BAIAP2: variants seen among roughly 807,000 people sequenced by gnomAD.
The protein encoded by BAIAP2 is BAR/IMD domain containing adaptor protein 2, also known as BAR/IMD domain-containing adapter protein 2.
BAIAP2 carries 18 observed loss-of-function variants against 63.0 expected under a neutral mutation model. The ratio of observed to expected loss-of-function variants is 0.29; its 90% confidence interval spans 0.20 to 0.42. BAIAP2 has a LOEUF of 0.42. Ranked by LOEUF, BAIAP2 falls within the 10% of genes least tolerant of loss-of-function variation. The pLI, the probability that BAIAP2 is intolerant of heterozygous loss-of-function variation, is 1.00. For missense variants in BAIAP2, 610 were observed against 734.3 expected (o/e 0.83, Z 1.96); for synonymous variants, 386 against 307.6 (o/e 1.25, Z -2.67).
chr17:81,103,394 A>C, intron 7 of BAIAP2, 108 bp from the exon 8 acceptor site: 4 of 1,062,516 alleles, frequency 3.8e-6, no homozygotes, highest in Non-Finnish European at 5.4e-6. Context: ...CCTGGTGAAG[A>C]GCAGCCTCCA....
At chr17:81,081,969 G>A (rs912108684) in intron 3 of BAIAP2, among the ~76,000 whole-genome samples, 2 of 152,138 alleles carry the variant, frequency 1.3e-5, no homozygotes, top group Non-Finnish European at 2.9e-5. Context: ...GCTGGCATCC[G>A]TGGAGGTACT....
chr17:81,108,435 C>T, intron 12 of BAIAP2, 40 bp from the exon 13 acceptor site: 4 of 1,611,336 alleles, frequency 2.5e-6, no homozygotes, highest in Non-Finnish European at 3.4e-6. Context: ...GACCACAGGC[C>T]CCGTCACCCG....
intron 1 of BAIAP2, among the ~76,000 whole-genome samples, chr17:81,039,033 T>C (rs2046714059): frequency 6.6e-6 from 1 of 152,262 alleles, no homozygotes; most frequent in Non-Finnish European, 1.5e-5. Flanking sequence ...TAAGGATACT[T>C]CCTGGGGTGG....
At chr17:81,106,358 GGGACACCA>G (rs1302032592) in intron 11 of BAIAP2, among the ~76,000 whole-genome samples, 3 of 152,328 alleles carry the variant, frequency 2.0e-5, no homozygotes, top group African/African-American at 7.2e-5. Context: ...GAGAGCCCTG[GGGACACCA>G]GAGCAGGCAG....
At chr17:81,070,506 A>AT (rs1475128232) in intron 3 of BAIAP2, among the ~76,000 whole-genome samples, 1 of 152,092 alleles carries the variant, frequency 6.6e-6, no homozygotes, top group Non-Finnish European at 1.5e-5. Context: ...AAGAGGCAAA[A>AT]GGTGCTTTGG....
intron 7 of BAIAP2, 106 bp from the exon 8 acceptor site, chr17:81,103,396 C>G: frequency 9.3e-7 from 1 of 1,078,730 alleles, no homozygotes; most frequent in East Asian, 2.6e-5. Flanking sequence ...TGGTGAAGAG[C>G]AGCCTCCAGC....
At chr17:81,068,838 C>T (rs988213466) in intron 3 of BAIAP2, among the ~76,000 whole-genome samples, 10 of 152,172 alleles carry the variant, frequency 6.6e-5, no homozygotes, top group African/African-American at 2.4e-4. Flanking sequence ...GCCTTGCGTT[C>T]CTGGCTGTGG....
At position 81,116,307 on chromosome 17, in the gene BAIAP2, C is replaced by T; in HGVS notation, c.*468C>T. 1 of 1,612,822 alleles carries T rather than the reference C, an allele frequency of 6.2e-7. No homozygotes were observed. The highest frequency in any genetic ancestry group is 8.5e-7 in the Non-Finnish European group (1 of 1,179,912). Reference sequence around the variant, plus strand: ...GCCCGCACCCTGGCTGGAAGATGAACTTCCCGTAAGCACGTAATTCCCTGC... The same window carrying T: ...GCCCGCACCCTGGCTGGAAGATGAATTTCCCGTAAGCACGTAATTCCCTGC... On this transcript the variant is annotated 3_prime_UTR_variant, in exon 14 of 14. Coordinates refer to ENST00000428708, the MANE Select transcript of BAIAP2 (RefSeq NM_001144888.2).
At chr17:81,109,607 C>T (rs560295237) in intron 13 of BAIAP2, 537 of 985,286 alleles carry the variant, frequency 5.5e-4, no homozygotes, top group Non-Finnish European at 6.1e-4. Flanking sequence ...CGAGGGGCCT[C>T]CTGAGGAAGC....
At chr17:81,098,281 G>A in intron 6 of BAIAP2, 1 of 1,048,078 alleles carries the variant, frequency 9.5e-7, no homozygotes, top group African/African-American at 1.6e-5. Context: ...GGCCTGGGAG[G>A]CAGCGGCCGC....
chr17:81,106,262 C>T lies in BAIAP2; in HGVS notation c.1337+116C>T, dbSNP rs911471100. 8.8e-5 allele frequency: 97 copies of T among 1,105,962 alleles called. No individual in the cohort carries two copies. In the African/African-American group the frequency reaches 9.2e-4, roughly 11 times the overall value. The allele number at this position is 1,105,962 out of a possible 1,614,324, so 68.5% of individuals were successfully genotyped here. A position where few individuals can be genotyped will look rare whatever the true frequency, so the allele number is the denominator to read the frequency against. ...GGGCTTCCGGCTCCTTGTCTGCTAC[C>T]GCAGGGCCATCCCCAGTGGCCCTGA... is the stretch of plus-strand genomic sequence containing the variant. On this transcript the variant is annotated intron_variant, in intron 11 of 13. Coordinates refer to ENST00000428708, the MANE Select transcript of BAIAP2 (RefSeq NM_001144888.2).
intron 13 of BAIAP2, among the ~76,000 whole-genome samples, chr17:81,114,841 G>C (rs1005148169): frequency 1.3e-5 from 2 of 152,190 alleles, no homozygotes; most frequent in African/African-American, 4.8e-5. Flanking sequence ...GTTGTTCCCG[G>C]CTGCCCGGGC....
Position 81,050,564 on chromosome 17 carries a change from C to T in BAIAP2, c.55-3104C>T, listed in dbSNP as rs560713752. Among the ~76,000 whole-genome samples the T allele has an allele frequency of 1.4e-3, 212 of 152,272 alleles. 1 individual carries two copies. In the Middle Eastern group the frequency reaches 0.027, roughly 20 times the overall value. ...GGGCTCAGGTTGAGCCTCTTCCACC[C>T]GGGGGCCTGTGGGGGTCATGGTCCT... On this transcript the variant is annotated intron_variant, in intron 1 of 13. Transcript: ENST00000428708.
At chr17:81,093,312 C>T (rs1339162737) in intron 6 of BAIAP2, among the ~76,000 whole-genome samples, 2 of 152,208 alleles carry the variant, frequency 1.3e-5, no homozygotes, top group Admixed American at 6.5e-5. Flanking sequence ...GCTTCCTCAG[C>T]GGCCTGAAAC....
intron 1 of BAIAP2, 140 bp from the exon 2 acceptor site, chr17:81,053,528 G>T: frequency 1.2e-6 from 1 of 843,260 alleles, no homozygotes; most frequent in Non-Finnish European, 1.9e-6. Flanking sequence ...ATTTGAACTT[G>T]GGAAGCCCAC....
At chr17:81,070,974 T>C (rs2052528395) in intron 3 of BAIAP2, among the ~76,000 whole-genome samples, 1 of 152,206 alleles carries the variant, frequency 6.6e-6, no homozygotes, top group South Asian at 2.1e-4. Context: ...TCCACCCCCA[T>C]GTCCAAGATC....
intron 7 of BAIAP2, among the ~76,000 whole-genome samples, chr17:81,101,522 C>T (rs986185480): frequency 6.6e-6 from 1 of 152,210 alleles, no homozygotes; most frequent in African/African-American, 2.4e-5. Flanking sequence ...GCCAAGCCCA[C>T]CAGGGAGGCC....
intron 3 of BAIAP2, among the ~76,000 whole-genome samples, chr17:81,077,413 C>A (rs548414697): frequency 1.3e-5 from 2 of 152,048 alleles, no homozygotes; most frequent in Admixed American, 6.6e-5. Flanking sequence ...GCTAAAAATA[C>A]AAAAATTAGC....
chr17:81,060,333 C>T (rs1233635313), intron 3 of BAIAP2, among the ~76,000 whole-genome samples: 1 of 152,214 alleles, frequency 6.6e-6, no homozygotes, highest in Non-Finnish European at 1.5e-5. Context: ...ATCCCATACC[C>T]CTTAAGCAGT....
Sources: gnomAD v4.1 joint callset for allele counts (sites outside exome capture counted in the v4.1 genomes callset) on GRCh38, gnomAD v4.1.1 for gene constraint, MANE v1.5 for transcripts, NCBI Gene and HGNC (gene_info 2026-07-23, HGNC 2026-07-21) for gene names.